The following C19orf18 variants were observed in gnomAD, a reference collection of about 807,000 sequenced individuals.
C19orf18 encodes chromosome 19 open reading frame 18, also known as uncharacterized protein C19orf18.
A neutral mutation model predicts 23.3 loss-of-function variants in C19orf18; 21 were observed. The observed-to-expected ratio is 0.90, with a 90% confidence interval of 0.64 to 1.30. The LOEUF is 1.30. Among genes scored for constraint, C19orf18 ranks in the 50% most tolerant of loss-of-function variants. C19orf18 has a pLI of 0.00. For missense variants in C19orf18, 249 were observed against 259.6 expected (o/e 0.96, Z 0.28); for synonymous variants, 96 against 95.2 (o/e 1.01, Z -0.05).
At chr19:57,965,117 T>TTTTA (rs59561103) in intron 4 of C19orf18, among the ~76,000 whole-genome samples, 41,298 of 145,808 alleles carry the variant, frequency 0.28, 6,249 homozygotes, top group East Asian at 0.54. Context: ...GTTCTTTTTA[T>TTTTA]TTTATTTATT....
chr19:57,965,420 C>A (rs1037483922), intron 4 of C19orf18, among the ~76,000 whole-genome samples: 2 of 152,150 alleles, frequency 1.3e-5, no homozygotes, highest in Non-Finnish European at 2.9e-5. Flanking sequence ...CAGGCATGAG[C>A]CACCACACCC....
chr19:57,966,114 A>T (rs192839092), intron 4 of C19orf18, among the ~76,000 whole-genome samples: 4,779 of 151,760 alleles, frequency 0.031, 110 homozygotes, highest in Non-Finnish European at 0.046. Flanking sequence ...AGGAGCCGGG[A>T]CTACAGGCAC....
At chr19:57,973,201 G>A (rs1179551034) in intron 2 of C19orf18, among the ~76,000 whole-genome samples, 1 of 139,618 alleles carries the variant, frequency 7.2e-6, no homozygotes, top group East Asian at 2.3e-4. Flanking sequence ...AGAGAGCCAG[G>A]CAGAGAGGCC....
At chr19:57,960,066 G>A (rs1442090337) in intron 5 of C19orf18, among the ~76,000 whole-genome samples, 6 of 144,668 alleles carry the variant, frequency 4.1e-5, no homozygotes, top group East Asian at 2.1e-4. Context: ...CCAAGATTTC[G>A]CCACTGCACT....
At chr19:57,959,036 A>G (rs1300099287) in intron 5 of C19orf18, among the ~76,000 whole-genome samples, 1 of 152,242 alleles carries the variant, frequency 6.6e-6, no homozygotes, top group Non-Finnish European at 1.5e-5. Context: ...CTCAGTGAGC[A>G]TCAGTGATCT....
At chr19:57,969,566 G>GAAAAAAAAAAAAAACAAAA (rs2072930199) in intron 3 of C19orf18, among the ~76,000 whole-genome samples, 1 of 46,498 alleles carries the variant, frequency 2.2e-5, no homozygotes, top group African/African-American at 9.5e-5. Flanking sequence ...AAAAAAAACA[G>GAAAAAAAAAAAAAACAAAA]AAAAAAAAAA....
At position 57,972,500 on chromosome 19, in the gene C19orf18, T is replaced by C. The variant is rs2072951884; in HGVS notation, c.231A>G (p.Ala77=). 1.2e-6 allele frequency: 2 copies of C among 1,614,140 alleles called. No homozygotes were observed. Among genetic ancestry groups the C allele is most frequent in the African/African-American group, 2.7e-5 (2 of 75,056 alleles). Residue 77 remains alanine (A), a synonymous_variant, in exon 3 of 6, where the codon GCA becomes GCG. Transcript: ENST00000314391. ...GGAATTTCATGGGGTTCGTAGGGGA[T>C]GCAGCTAAAAGGCCATCAAAGGGGA... ...IQGAASRSTA[A]SPTNPMKFLR... is the part of the protein sequence containing the mutation.
chr19:57,970,926 G>A (rs2072940574), intron 3 of C19orf18, among the ~76,000 whole-genome samples: 2 of 152,108 alleles, frequency 1.3e-5, no homozygotes, highest in African/African-American at 4.8e-5. Flanking sequence ...GGGACCTGAA[G>A]CTCAGGGGTG....
intron 3 of C19orf18, among the ~76,000 whole-genome samples, chr19:57,968,935 A>G (rs1326381798): frequency 6.6e-6 from 1 of 152,136 alleles, no homozygotes; most frequent in East Asian, 1.9e-4. Context: ...TGCCTGCCCT[A>G]AATCACCCCA....
chr19:57,968,446 C>T (rs532841528), intron 3 of C19orf18, among the ~76,000 whole-genome samples: 7 of 152,198 alleles, frequency 4.6e-5, no homozygotes, highest in South Asian at 2.1e-4. Context: ...TTGGCATGGA[C>T]GGTTCAATTT....
intron 4 of C19orf18, among the ~76,000 whole-genome samples, chr19:57,965,412 G>C (rs1364289246): frequency 6.6e-6 from 1 of 152,138 alleles, no homozygotes; most frequent in Non-Finnish European, 1.5e-5. Context: ...TGGGATTACA[G>C]GCATGAGCCA....
At chr19:57,960,002 G>A (rs931069961) in intron 5 of C19orf18, among the ~76,000 whole-genome samples, 5 of 150,146 alleles carry the variant, frequency 3.3e-5, no homozygotes, top group South Asian at 2.1e-4. Flanking sequence ...CCAGCTACTC[G>A]GGAGGCTGAG....
In C19orf18 at chr19:57,958,524, A is replaced by G. The variant is rs79804234; in HGVS notation, c.*78T>C. ...TCTTCCATAAGGTTCTCTGGGAGCAAGCCACGCCCACAGGCTCAGTCTCCC... is the reference window on the plus strand; with the variant it reads ...TCTTCCATAAGGTTCTCTGGGAGCAGGCCACGCCCACAGGCTCAGTCTCCC... On this transcript the variant is annotated 3_prime_UTR_variant, in exon 6 of 6. Coordinates refer to ENST00000314391, the MANE Select transcript of C19orf18 (RefSeq NM_152474.5). 0.067 allele frequency: 62,313 copies of G among 935,272 alleles called. 2,506 individuals are homozygous for G. Among genetic ancestry groups the G allele is most frequent in the Middle Eastern group, 0.086 (403 of 4,698 alleles). 57.9% of individuals were successfully genotyped at this position (935,272 alleles called of 1,614,324 possible).
chr19:57,960,887 A>C (rs1243585412), intron 5 of C19orf18, among the ~76,000 whole-genome samples: 1 of 151,960 alleles, frequency 6.6e-6, no homozygotes, highest in African/African-American at 2.4e-5. Context: ...GCCTTTGAAA[A>C]CCAAGCCACA....
In C19orf18 at chr19:57,958,548, C is replaced by A; in HGVS notation, c.*54G>T. 2 of 1,238,380 alleles carry A rather than the reference C, an allele frequency of 1.6e-6. No individual in the cohort carries two copies. The highest frequency in any genetic ancestry group is 4.9e-5 in the East Asian group (2 of 40,690). 76.7% of individuals were successfully genotyped at this position (1,238,380 alleles called of 1,614,324 possible). A position where few individuals can be genotyped will look rare whatever the true frequency, so the allele number is the denominator to read the frequency against. ...AAGCCACGCCCACAGGCTCAGTCTC[C>A]CAGCACCCCCATAGTTTCTCCTCTG... is the stretch of plus-strand genomic sequence containing the variant. On this transcript the variant is annotated 3_prime_UTR_variant, in exon 6 of 6. Transcript: ENST00000314391.
chr19:57,961,062 C>T (rs368049917), intron 5 of C19orf18, among the ~76,000 whole-genome samples: 5 of 151,934 alleles, frequency 3.3e-5, no homozygotes, highest in Admixed American at 6.6e-5. Context: ...GGTGAAACCC[C>T]GTCTCTACTA....
chr19:57,965,928 GT>G (rs2123224899), intron 4 of C19orf18, among the ~76,000 whole-genome samples: 1 of 151,368 alleles, frequency 6.6e-6, no homozygotes, highest in Non-Finnish European at 1.5e-5. Flanking sequence ...TATCTGAAAA[GT>G]TTAAAAATCA....
chr19:57,964,629 C>A (rs1185579238), intron 4 of C19orf18, among the ~76,000 whole-genome samples: 1 of 152,116 alleles, frequency 6.6e-6, no homozygotes, highest in Non-Finnish European at 1.5e-5. Context: ...AACCCACAAC[C>A]AAGCACGCAG....
Position 57,967,094 on chromosome 19 carries a change from A to G in C19orf18, c.269-462T>C, listed in dbSNP as rs529275451. Among the ~76,000 whole-genome samples, 3 of 140,632 alleles carry G rather than the reference A, an allele frequency of 2.1e-5. No homozygotes were observed. In the South Asian group the frequency reaches 6.4e-4, roughly 30 times the overall value. The allele number at this position is 140,632 out of a possible 152,430, so 92.3% of individuals were successfully genotyped here. Reference sequence around the variant, plus strand: ...GTGAAACTCCGTCTCAAAAAAAAAAAAAAGAAAGAAAACTGAAACAGACCA... The same window carrying G: ...GTGAAACTCCGTCTCAAAAAAAAAAGAAAGAAAGAAAACTGAAACAGACCA... On this transcript the variant is annotated intron_variant, in intron 3 of 5. Coordinates refer to ENST00000314391, the MANE Select transcript of C19orf18 (RefSeq NM_152474.5).
Sources: allele counts gnomAD v4.1 joint callset (sites outside exome capture counted in the v4.1 genomes callset), GRCh38; gene constraint gnomAD v4.1.1; transcripts MANE v1.5; gene names NCBI Gene and HGNC (gene_info 2026-07-23, HGNC 2026-07-21).